The following SPATA7 variants were observed in gnomAD, a reference collection of about 807,000 sequenced individuals.
SPATA7 encodes the protein spermatogenesis associated 7.
A neutral mutation model predicts 51.8 loss-of-function variants in SPATA7; 43 were observed. The ratio of observed to expected loss-of-function variants is 0.83; its 90% confidence interval spans 0.65 to 1.07. The LOEUF (loss-of-function observed/expected upper bound fraction) is 1.07, where lower values mean the gene tolerates loss of function less well. Among genes scored for constraint, SPATA7 ranks in the 50% least tolerant of loss-of-function variants. The pLI, the probability that SPATA7 is intolerant of heterozygous loss-of-function variation, is 0.00. For missense variants in SPATA7, 683 were observed against 701.3 expected (o/e 0.97, Z 0.30); for synonymous variants, 230 against 252.8 (o/e 0.91, Z 0.86).
intron 4 of SPATA7, chr14:88,415,147 C>T: frequency 4.3e-6 from 1 of 229,948 alleles, no homozygotes; most frequent in Admixed American, 4.1e-5. Flanking sequence ...TCTAACACTG[C>T]CAGTGGGATG....
chr14:88,385,668 C>A lies in SPATA7; in HGVS notation c.-151C>A. The A allele has an allele frequency of 1.3e-6, 1 of 769,664 alleles. No individual in the cohort carries two copies. The highest frequency in any genetic ancestry group is 2.3e-6 in the Non-Finnish European group (1 of 444,034). The allele number at this position is 769,664 out of a possible 1,614,324, so 47.7% of individuals were successfully genotyped here. ...CACAATAGCGACTCACTGGACCCAG[C>A]CCTTAGCAACGGCCTGGCAACGGTT... On this transcript the variant is annotated 5_prime_UTR_variant, in exon 1 of 12. Transcript: ENST00000393545.
At chr14:88,449,743 T>C (rs763059304) in intron 3 of SPATA7, among the ~76,000 whole-genome samples, 6 of 152,180 alleles carry the variant, frequency 3.9e-5, no homozygotes, top group Admixed American at 1.3e-4. Context: ...AATTGTTTTG[T>C]AAATTTGGGA....
chr14:88,400,662 G>A (rs764070069), intron 4 of SPATA7, among the ~76,000 whole-genome samples: 3 of 151,836 alleles, frequency 2.0e-5, no homozygotes, highest in African/African-American at 4.8e-5. Flanking sequence ...GTGAAACCCC[G>A]ACTCTACTAA....
chr14:88,441,130 A>G (rs1325730069), downstream of SPATA7, among the ~76,000 whole-genome samples: 1 of 152,212 alleles, frequency 6.6e-6, no homozygotes, highest in East Asian at 1.9e-4. Flanking sequence ...CTCCAATTCC[A>G]TCTAGGTTGC....
chr14:88,402,413 T>G (rs2076086195), intron 4 of SPATA7, among the ~76,000 whole-genome samples: 1 of 117,076 alleles, frequency 8.5e-6, no homozygotes, highest in African/African-American at 3.0e-5. Flanking sequence ...GCTACAATAA[T>G]CAAAACAGTA....
At chr14:88,396,476 T>TA (rs554551927) in intron 4 of SPATA7, among the ~76,000 whole-genome samples, 16 of 152,334 alleles carry the variant, frequency 1.1e-4, no homozygotes, top group Non-Finnish European at 1.8e-4. Context: ...CCATTGTACT[T>TA]ACTATCTCTA....
chr14:88,398,876 C>A (rs1052178835), intron 4 of SPATA7, among the ~76,000 whole-genome samples: 3 of 151,532 alleles, frequency 2.0e-5, no homozygotes, highest in African/African-American at 7.3e-5. Context: ...CACGGTGAAA[C>A]CCTGTCTCTA....
At chr14:88,457,815 G>A (rs190412485), downstream of SPATA7, among the ~76,000 whole-genome samples, 271 of 152,318 alleles carry the variant, frequency 1.8e-3, no homozygotes, top group African/African-American at 6.5e-3. Context: ...AGTTTTCAAA[G>A]GGAATGCTTC....
chr14:88,451,670 G>A (rs193214865), intron 3 of SPATA7, among the ~76,000 whole-genome samples: 5 of 151,378 alleles, frequency 3.3e-5, no homozygotes, highest in East Asian at 3.9e-4. Context: ...GATTATAGGC[G>A]CCCACCACCA....
chr14:88,438,114 T>A lies in SPATA7; in HGVS notation c.1492T>A (p.Ser498Thr), dbSNP rs1184803397. ...TGAATTTTTCATGCCTATTTATAAA[T>A]CAAAGCATTCAGAAGGGGTTATAAT... is the stretch of plus-strand genomic sequence containing the variant. ...PTEFFMPIYK[S>T]KHSEGVIIQQ... Residue 498 changes from serine to threonine, a missense_variant, in exon 12 of 12, where the codon TCA (serine) becomes ACA (threonine). Physicochemically the swap from Ser to Thr is moderately conservative, Grantham distance 58. Transcript: ENST00000393545. 4.3e-6 allele frequency: 7 copies of A among 1,614,012 alleles called. No individual in the cohort carries two copies. The highest frequency in any genetic ancestry group is 5.9e-6 in the Non-Finnish European group (7 of 1,179,956).
chr14:88,429,548 CTATT>C (rs2076886061), intron 8 of SPATA7, 85 bp downstream of exon 8: 1 of 833,572 alleles, frequency 1.2e-6, no homozygotes, highest in Non-Finnish European at 2.0e-6. Flanking sequence ...CGCATAAGTA[CTATT>C]TAATTGCATG....
intron 1 of SPATA7, among the ~76,000 whole-genome samples, chr14:88,390,284 A>G (rs2075705305): frequency 6.6e-6 from 1 of 151,712 alleles, no homozygotes; most frequent in South Asian, 2.1e-4. Flanking sequence ...TAATGTAAAG[A>G]AACGTCTAGG....
chr14:88,410,365 T>A (rs1269571909), intron 4 of SPATA7, among the ~76,000 whole-genome samples: 1 of 152,162 alleles, frequency 6.6e-6, no homozygotes, highest in Non-Finnish European at 1.5e-5. Flanking sequence ...GTCTTTTTTT[T>A]ATCTTTGTTG....
At chr14:88,444,996 A>C (rs573475556) in intron 3 of SPATA7, among the ~76,000 whole-genome samples, 2 of 151,944 alleles carry the variant, frequency 1.3e-5, no homozygotes, top group Non-Finnish European at 2.9e-5. Context: ...ATGAACTTTA[A>C]AGTAGTTTTT....
chr14:88,434,242 C>G (rs1400499441), intron 10 of SPATA7, among the ~76,000 whole-genome samples: 1 of 151,958 alleles, frequency 6.6e-6, no homozygotes, highest in Non-Finnish European at 1.5e-5. Context: ...TACCAAAAAC[C>G]AGAATCAACC....
At chr14:88,460,107 G>A (rs1306757801), downstream of SPATA7, among the ~76,000 whole-genome samples, 2 of 152,074 alleles carry the variant, frequency 1.3e-5, no homozygotes, top group African/African-American at 2.4e-5. Flanking sequence ...TCCCTTTGTG[G>A]GTAACCCGAC....
chr14:88,426,426 G>A lies in SPATA7; in HGVS notation c.567G>A (p.Gly189=), dbSNP rs769694954. ...CCAGTGTGGATTATGCAGCCTCCGG[G>A]CCCCGGAAACTGAGCTCTGGAGCCC... ...SPSSVDYAAS[G]PRKLSSGALY... is the part of the protein sequence containing the mutation. Residue 189 remains glycine (G), a synonymous_variant, in exon 6 of 12, where the codon GGG becomes GGA. Coordinates refer to ENST00000393545, the MANE Select transcript of SPATA7 (RefSeq NM_018418.5). 6.2e-6 allele frequency: 10 copies of A among 1,614,148 alleles called. 1 individual carries two copies. Among genetic ancestry groups the A allele is most frequent in the Non-Finnish European group, 8.5e-6 (10 of 1,180,020 alleles).
At chr14:88,449,210 A>G (rs1216331162) in intron 3 of SPATA7, among the ~76,000 whole-genome samples, 1 of 152,146 alleles carries the variant, frequency 6.6e-6, no homozygotes, top group East Asian at 1.9e-4. Flanking sequence ...TAATACTATG[A>G]ACTTTCCTCT....
intron 10 of SPATA7, among the ~76,000 whole-genome samples, chr14:88,436,916 G>A (rs377228549): frequency 6.3e-4 from 96 of 151,708 alleles, no homozygotes; most frequent in African/African-American, 1.9e-3. Flanking sequence ...TGGGTCTTTT[G>A]TAGTTTCATG....
Sources: allele counts gnomAD v4.1 joint callset (sites outside exome capture counted in the v4.1 genomes callset), GRCh38; gene constraint gnomAD v4.1.1; transcripts MANE v1.5; gene names NCBI Gene and HGNC (gene_info 2026-07-23, HGNC 2026-07-21).